FAM78B: variants seen among roughly 807,000 people sequenced by gnomAD.
FAM78B encodes family with sequence similarity 78 member B.
Under a neutral mutation model 20.0 loss-of-function variants are expected in FAM78B, and 10 were observed. That is an observed-to-expected ratio of 0.50 (90% CI 0.31 to 0.85). The LOEUF (loss-of-function observed/expected upper bound fraction) is 0.85. Among genes scored for constraint, FAM78B ranks in the 40% least tolerant of loss-of-function variants. The probability of loss-of-function intolerance (pLI) is 0.05; values close to 1 mark genes in which losing one functional copy is unlikely to be tolerated. For synonymous variants in FAM78B, 135 were observed against 132.8 expected (o/e 1.02, Z -0.12); for missense variants, 283 against 345.0 (o/e 0.82, Z 1.42).
chr1:166,166,809 G>A lies in FAM78B; in HGVS notation c.-561C>T, dbSNP rs1656420719. The A allele has an allele frequency of 1.3e-5, 2 of 151,610 alleles. No individual in the cohort carries two copies. The highest frequency in any genetic ancestry group is 2.4e-5 in the African/African-American group (1 of 41,266). 9.4% of individuals were successfully genotyped at this position (151,610 alleles called of 1,614,324 possible). On this transcript the variant is annotated 5_prime_UTR_variant, in exon 1 of 2. Coordinates refer to ENST00000354422, the MANE Select transcript of FAM78B (RefSeq NM_001017961.5). The stretch of plus-strand genomic sequence containing the variant: ...GGGCGAGCGGGCGGCCCAAGAGGCA[G>A]GCGGAGGCAGCAGCGGCGGCGGCGG...
intron 1 of FAM78B, among the ~76,000 whole-genome samples, chr1:166,119,402 G>A (rs1024123213): frequency 7.2e-5 from 11 of 152,110 alleles, no homozygotes; most frequent in Admixed American, 6.5e-4. Context: ...AGGAGACGAC[G>A]CACATGGTAA....
chr1:166,059,398 T>C (rs2101939937), exon 3 of FAM78B: 1 of 152,266 alleles, frequency 6.6e-6, no homozygotes, highest in South Asian at 2.1e-4. Context: ...ATACTAGAAC[T>C]TTCCAACCCT....
At chr1:166,160,936 C>G (rs781365794) in intron 1 of FAM78B, among the ~76,000 whole-genome samples, 1 of 152,200 alleles carries the variant, frequency 6.6e-6, no homozygotes, top group South Asian at 2.1e-4. Context: ...ATCCCAATTT[C>G]AACTGTGAGA....
chr1:166,121,883 AG>A (rs1342692565), intron 1 of FAM78B, among the ~76,000 whole-genome samples: 1 of 152,126 alleles, frequency 6.6e-6, no homozygotes, highest in Non-Finnish European at 1.5e-5. Flanking sequence ...TACACACAGC[AG>A]GGCCCACCTT....
intron 1 of FAM78B, among the ~76,000 whole-genome samples, chr1:166,115,102 G>A (rs752470642): frequency 5.9e-5 from 9 of 152,126 alleles, no homozygotes; most frequent in Non-Finnish European, 1.0e-4. Context: ...TGGTTTGTTC[G>A]TTCATCTGAC....
chr1:166,151,716 C>T (rs1170161553), intron 1 of FAM78B, among the ~76,000 whole-genome samples: 1 of 152,168 alleles, frequency 6.6e-6, no homozygotes, highest in Non-Finnish European at 1.5e-5. Flanking sequence ...AGTGCCAGAC[C>T]CACTCAACTG....
intron 1 of FAM78B, among the ~76,000 whole-genome samples, chr1:166,091,013 C>T (rs1046417175): frequency 1.8e-4 from 27 of 152,210 alleles, no homozygotes; most frequent in African/African-American, 6.3e-4. Flanking sequence ...AAGAAACTGG[C>T]CTAGGGCAAC....
chr1:166,163,340 T>C (rs1484090301), intron 1 of FAM78B, among the ~76,000 whole-genome samples: 6 of 152,370 alleles, frequency 3.9e-5, no homozygotes, highest in South Asian at 2.1e-4. Flanking sequence ...CTGGCCATCA[T>C]AGCCATCAAC....
chr1:166,078,969 T>TC (rs1280152060), intron 1 of FAM78B, among the ~76,000 whole-genome samples: 3 of 149,046 alleles, frequency 2.0e-5, no homozygotes, highest in Non-Finnish European at 4.4e-5. Flanking sequence ...TCTCACTCTG[T>TC]CACCCAGGCT....
At chr1:166,142,411 C>T (rs1288317123) in intron 1 of FAM78B, among the ~76,000 whole-genome samples, 1 of 152,198 alleles carries the variant, frequency 6.6e-6, no homozygotes, top group Non-Finnish European at 1.5e-5. Flanking sequence ...CAGCAGAAGC[C>T]TGAAGTCCAC....
At chr1:166,057,211 A>T (rs540453484), downstream of FAM78B, among the ~76,000 whole-genome samples, 84 of 152,304 alleles carry the variant, frequency 5.5e-4, no homozygotes, top group African/African-American at 1.8e-3. Flanking sequence ...TCTTCCCCTT[A>T]CAGTTGTCCA....
At chr1:166,085,260 G>A in intron 1 of FAM78B, among the ~76,000 whole-genome samples, 1 of 152,166 alleles carries the variant, frequency 6.6e-6, no homozygotes, top group Non-Finnish European at 1.5e-5. Flanking sequence ...TCTAATGGCA[G>A]CATATGCATC....
chr1:166,166,039 C>A lies in FAM78B; in HGVS notation c.210G>T (p.Trp70Cys). 6.2e-7 allele frequency: 1 copy of A among 1,612,234 alleles called. No individual in the cohort carries two copies. Among genetic ancestry groups the A allele is most frequent in the Non-Finnish European group, 8.5e-7 (1 of 1,179,092 alleles). ...ACTCCATCTGATTGCACGCCTGAATCCAGCCCACCACCCAGGTCTCGTGGC... is the reference window on the plus strand; with the variant it reads ...ACTCCATCTGATTGCACGCCTGAATACAGCCCACCACCCAGGTCTCGTGGC... ...IPRHETWVVG[W>C]IQACNQMEFF... The change falls in exon 1 of 2, where the codon TGG (tryptophan) becomes TGT (cysteine). Residue 70 changes from tryptophan (W) to cysteine (C), a missense_variant. Transcript: ENST00000354422.
chr1:166,157,016 T>C (rs1388324755), intron 1 of FAM78B, among the ~76,000 whole-genome samples: 2 of 66,676 alleles, frequency 3.0e-5, no homozygotes, highest in African/African-American at 6.5e-5. Flanking sequence ...CTGAGTGACA[T>C]GACGTCAAGG....
At chr1:166,057,585 T>C (rs1230424921) in exon 3 of FAM78B, 1 of 152,228 alleles carries the variant, frequency 6.6e-6, no homozygotes, top group Non-Finnish European at 1.5e-5. Context: ...CCAGCTTTCA[T>C]TTCTTCCTTC....
chr1:166,084,237 ACT>A (rs372134890), intron 1 of FAM78B, among the ~76,000 whole-genome samples: 3,451 of 125,268 alleles, frequency 0.028, 28 homozygotes, highest in South Asian at 0.036. Flanking sequence ...ACACACACAC[ACT>A]CTCTCTCTCT....
intron 1 of FAM78B, among the ~76,000 whole-genome samples, chr1:166,095,389 G>A (rs1326865776): frequency 6.6e-6 from 1 of 152,124 alleles, no homozygotes; most frequent in African/African-American, 2.4e-5. Flanking sequence ...CAGAGGGGAG[G>A]GTAGAGTGGT....
chr1:166,062,792 T>A (rs764086191), intron 2 of FAM78B, among the ~76,000 whole-genome samples: 12 of 152,244 alleles, frequency 7.9e-5, no homozygotes, highest in Non-Finnish European at 1.6e-4. Context: ...GTTCTCAGCC[T>A]GAAGTGCATG....
At chr1:166,132,329 T>C (rs1363949679) in intron 1 of FAM78B, among the ~76,000 whole-genome samples, 4 of 152,302 alleles carry the variant, frequency 2.6e-5, no homozygotes, top group African/African-American at 4.8e-5. Context: ...CATGACACAC[T>C]GGACTTGACT....
Sources: allele counts gnomAD v4.1 joint callset (sites outside exome capture counted in the v4.1 genomes callset), GRCh38; gene constraint gnomAD v4.1.1; transcripts MANE v1.5; gene names NCBI Gene and HGNC (gene_info 2026-07-23, HGNC 2026-07-21).